The following RAB11FIP2 variants were observed in gnomAD, a reference collection of about 807,000 sequenced individuals.
RAB11FIP2 encodes the protein rab11 family-interacting protein 2.
In RAB11FIP2, 16 loss-of-function variants were observed where a neutral mutation model predicts 40.9. That is an observed-to-expected ratio of 0.39 (90% CI 0.26 to 0.59). The LOEUF (loss-of-function observed/expected upper bound fraction) is 0.59, where lower values mean the gene tolerates loss of function less well. Among genes scored for constraint, RAB11FIP2 ranks in the 20% least tolerant of loss-of-function variants. The pLI is 0.53. For missense variants in RAB11FIP2, 532 were observed against 606.2 expected (o/e 0.88, Z 1.28); for synonymous variants, 228 against 213.7 (o/e 1.07, Z -0.58).
intron 3 of RAB11FIP2, among the ~76,000 whole-genome samples, chr10:118,027,861 C>G (rs1280092960): frequency 6.6e-6 from 1 of 152,118 alleles, no homozygotes; most frequent in Non-Finnish European, 1.5e-5. Flanking sequence ...ACAGAGTTGT[C>G]TATCTAGTCA....
chr10:118,009,276 A>G, intron 4 of RAB11FIP2, 51 bp from the exon 5 acceptor site: 1 of 1,481,024 alleles, frequency 6.8e-7, no homozygotes, highest in Non-Finnish European at 9.2e-7. Flanking sequence ...TCTGGGACAA[A>G]CATTAAGAAT....
At chr10:118,017,939 T>C (rs1447954543) in intron 3 of RAB11FIP2, 3 of 152,318 alleles carry the variant, frequency 2.0e-5, no homozygotes, top group Middle Eastern at 3.4e-3. Flanking sequence ...TGCAACTCAA[T>C]GGCTGCTCAA....
intron 3 of RAB11FIP2, among the ~76,000 whole-genome samples, chr10:118,015,797 A>G (rs1035957330): frequency 1.3e-5 from 2 of 152,214 alleles, no homozygotes; most frequent in African/African-American, 4.8e-5. Flanking sequence ...AAAAGACGCT[A>G]AACTTCAAAG....
At chr10:118,035,991 A>G (rs956435283) in intron 3 of RAB11FIP2, among the ~76,000 whole-genome samples, 14 of 152,122 alleles carry the variant, frequency 9.2e-5, no homozygotes, top group African/African-American at 3.4e-4. Flanking sequence ...CAAGGACAGG[A>G]TCAAAATGTG....
rs1393602347 is a variant in RAB11FIP2 at position 118,046,854 on chromosome 10, C to A, written c.-691G>T. On this transcript the variant is annotated 5_prime_UTR_variant, in exon 1 of 5. Coordinates refer to ENST00000355624, the MANE Select transcript of RAB11FIP2 (RefSeq NM_014904.3). Reference sequence around the variant, plus strand: ...GCAGGGCTGCGGGCGCTTGGTTCGGCCTGGCCCGGCCGGCGGCTCCTAACA... The same window carrying A: ...GCAGGGCTGCGGGCGCTTGGTTCGGACTGGCCCGGCCGGCGGCTCCTAACA... 1 of 152,478 alleles carries A rather than the reference C, an allele frequency of 6.6e-6. No individual in the cohort carries two copies. The highest frequency in any genetic ancestry group is 1.9e-4 in the East Asian group (1 of 5,178). The allele number at this position is 152,478 out of a possible 1,614,324, so 9.4% of individuals were successfully genotyped here. A position where few individuals can be genotyped will look rare whatever the true frequency, so the allele number is the denominator to read the frequency against.
chr10:118,033,007 CATT>C (rs985152319), intron 3 of RAB11FIP2, among the ~76,000 whole-genome samples: 2 of 151,806 alleles, frequency 1.3e-5, no homozygotes, highest in Non-Finnish European at 2.9e-5. Flanking sequence ...TGTTCTATTT[CATT>C]ATTATTGTTA....
intron 3 of RAB11FIP2, among the ~76,000 whole-genome samples, chr10:118,036,400 T>C (rs190364930): frequency 1.8e-3 from 281 of 152,192 alleles, no homozygotes; most frequent in African/African-American, 6.5e-3. Flanking sequence ...TCGGTTAGGA[T>C]GTTAATGTGA....
At chr10:118,032,941 T>C (rs1488292360) in intron 3 of RAB11FIP2, among the ~76,000 whole-genome samples, 2 of 152,136 alleles carry the variant, frequency 1.3e-5, no homozygotes, top group African/African-American at 2.4e-5. Flanking sequence ...AGCCCTTATT[T>C]TACTTAATAA....
At chr10:118,012,524 T>G (rs2133161906) in intron 4 of RAB11FIP2, among the ~76,000 whole-genome samples, 1 of 151,946 alleles carries the variant, frequency 6.6e-6, no homozygotes, top group Non-Finnish European at 1.5e-5. Context: ...ACTGATATAC[T>G]CCACATATAT....
intron 3 of RAB11FIP2, among the ~76,000 whole-genome samples, chr10:118,025,483 T>G (rs1309369910): frequency 6.6e-6 from 1 of 152,092 alleles, no homozygotes; most frequent in Non-Finnish European, 1.5e-5. Context: ...AAATCACACT[T>G]AGAAACGCAG....
At chr10:118,032,003 A>C (rs964338599) in intron 3 of RAB11FIP2, among the ~76,000 whole-genome samples, 1 of 151,972 alleles carries the variant, frequency 6.6e-6, no homozygotes, top group Non-Finnish European at 1.5e-5. Flanking sequence ...AACAACAGAA[A>C]CTCATCACAC....
At position 118,005,655 on chromosome 10, in the gene RAB11FIP2, T is replaced by C. The variant is rs1343016916; in HGVS notation, c.*3343A>G. 1 of 152,126 alleles carries C rather than the reference T, an allele frequency of 6.6e-6. No individual in the cohort carries two copies. The highest frequency in any genetic ancestry group is 2.4e-5 in the African/African-American group (1 of 41,418). 9.4% of individuals were successfully genotyped at this position (152,126 alleles called of 1,614,324 possible). A position where few individuals can be genotyped will look rare whatever the true frequency, so the allele number is the denominator to read the frequency against. Reference sequence around the variant, plus strand: ...GAACATCAAAAAAGTTTCAGCTTGATTTACAAATCCAAGGTAAATTGCTTC... The same window carrying C: ...GAACATCAAAAAAGTTTCAGCTTGACTTACAAATCCAAGGTAAATTGCTTC... On this transcript the variant is annotated 3_prime_UTR_variant, in exon 5 of 5. Transcript: ENST00000355624.
chr10:118,016,558 A>G (rs1846222030), intron 3 of RAB11FIP2, among the ~76,000 whole-genome samples: 1 of 152,230 alleles, frequency 6.6e-6, no homozygotes, highest in Non-Finnish European at 1.5e-5. Flanking sequence ...GATCCAAGGT[A>G]GCCAACAGGG....
Position 118,046,247 on chromosome 10 carries a change from T to C in RAB11FIP2, c.-84A>G. On this transcript the variant is annotated 5_prime_UTR_variant, in exon 1 of 5. The change abolishes an upstream ATG in the 5' untranslated region. Coordinates refer to ENST00000355624, the MANE Select transcript of RAB11FIP2 (RefSeq NM_014904.3). ...AGAGCCTAATTCCTTAATCACTGCA[T>C]CCTAAGGACACTTAACGGAAACAGG... is the stretch of plus-strand genomic sequence containing the variant. 2.6e-6 allele frequency: 3 copies of C among 1,141,920 alleles called. No individual in the cohort carries two copies. The highest frequency in any genetic ancestry group is 2.4e-5 in the East Asian group (1 of 42,498). 70.7% of individuals were successfully genotyped at this position (1,141,920 alleles called of 1,614,324 possible).
At chr10:118,028,910 A>C (rs1353480675) in intron 3 of RAB11FIP2, among the ~76,000 whole-genome samples, 1 of 152,100 alleles carries the variant, frequency 6.6e-6, no homozygotes, top group Non-Finnish European at 1.5e-5. Context: ...CAGTGCTAAA[A>C]AACAAACTTT....
chr10:118,034,882 C>T (rs1455606204), intron 3 of RAB11FIP2, among the ~76,000 whole-genome samples: 1 of 152,138 alleles, frequency 6.6e-6, no homozygotes, highest in Non-Finnish European at 1.5e-5. Context: ...GCTGATTAGG[C>T]ATCAATGGCA....
At chr10:118,017,766 C>T (rs371270949) in intron 3 of RAB11FIP2, 16 of 152,264 alleles carry the variant, frequency 1.1e-4, no homozygotes, top group East Asian at 7.7e-4. Flanking sequence ...ATACAAATTT[C>T]AGTATATGTC....
intron 3 of RAB11FIP2, among the ~76,000 whole-genome samples, chr10:118,024,468 A>G (rs897356701): frequency 1.3e-5 from 1 of 76,216 alleles, no homozygotes; most frequent in African/African-American, 4.9e-5. Context: ...AGTCATCATC[A>G]TCGTGTGTGT....
At chr10:118,014,313 T>C (rs561321055) in intron 4 of RAB11FIP2, among the ~76,000 whole-genome samples, 2 of 152,272 alleles carry the variant, frequency 1.3e-5, no homozygotes, top group East Asian at 3.9e-4. Flanking sequence ...TGTCTTGGAA[T>C]AAAGCCTCTA....
Sources: gnomAD v4.1 joint callset for allele counts (sites outside exome capture counted in the v4.1 genomes callset) on GRCh38, gnomAD v4.1.1 for gene constraint, MANE v1.5 for transcripts, NCBI Gene and HGNC (gene_info 2026-07-23, HGNC 2026-07-21) for gene names.